Variants in HPSE2 observed in about 807,000 individuals in gnomAD.
HPSE2 encodes the protein heparanase 2 (inactive).
A neutral mutation model predicts 60.5 loss-of-function variants in HPSE2; 38 were observed. The ratio of observed to expected loss-of-function variants is 0.63; its 90% CI spans 0.48 to 0.82. The LOEUF (loss-of-function observed/expected upper bound fraction) is 0.82, where lower values mean the gene tolerates loss of function less well. Ranked by LOEUF, HPSE2 falls within the 40% of genes least tolerant of loss-of-function variation. HPSE2 has a pLI of 0.00. For synonymous variants in HPSE2, 295 were observed against 293.2 expected, an observed-to-expected ratio of 1.01 and a Z score of -0.06; for missense variants, 713 against 740.4, an observed-to-expected ratio of 0.96 and a Z score of 0.43.
chr10:98,657,004 C>G (rs150709069), intron 6 of HPSE2, among the ~76,000 whole-genome samples: 1 of 152,196 alleles, frequency 6.6e-6, no homozygotes, highest in East Asian at 1.9e-4. Flanking sequence ...CTCAGCTGAT[C>G]CACCCATCTT....
chr10:98,874,355 T>C (rs1426149651), intron 3 of HPSE2, among the ~76,000 whole-genome samples: 1 of 152,102 alleles, frequency 6.6e-6, no homozygotes, highest in Non-Finnish European at 1.5e-5. Context: ...TACATTTAAG[T>C]CTTTCATCCA....
chr10:98,830,479 A>G (rs1194496216), intron 3 of HPSE2, among the ~76,000 whole-genome samples: 1 of 152,188 alleles, frequency 6.6e-6, no homozygotes, highest in Non-Finnish European at 1.5e-5. Context: ...AAAGGCTTCA[A>G]TCTGCAAACA....
intron 3 of HPSE2, among the ~76,000 whole-genome samples, chr10:99,007,946 A>T (rs558172292): frequency 6.6e-6 from 1 of 152,286 alleles, no homozygotes; most frequent in East Asian, 1.9e-4. Context: ...CCCTCTCCCC[A>T]TGCCCTGTAT....
chr10:99,305,979 G>GCACGCACGCACA, the HPSE2 span, among the ~76,000 whole-genome samples: 3 of 80,580 alleles, frequency 3.7e-5, no homozygotes, highest in African/African-American at 1.6e-4. Flanking sequence ...GCGCGCGCGC[G>GCACGCACGCACA]CACACACACA....
intron 7 of HPSE2, 104 bp downstream of exon 7, chr10:98,641,743 C>G (rs1946642319): frequency 1.2e-6 from 1 of 864,884 alleles, no homozygotes; most frequent in African/African-American, 1.6e-5. Flanking sequence ...TCCTATTTTT[C>G]TACTCTGGTT....
intron 3 of HPSE2, among the ~76,000 whole-genome samples, chr10:98,778,298 A>AGAGAGAGAGAGAGAGAGAGAGAGAT (rs1950390952): frequency 3.4e-5 from 1 of 29,352 alleles, no homozygotes; most frequent in Non-Finnish European, 8.5e-5. Context: ...GAGAGAGAGA[A>AGAGAGAGAGAGAGAGAGAGAGAGAT]AGCAAGAAAG....
intron 9 of HPSE2, among the ~76,000 whole-genome samples, chr10:98,519,672 G>A (rs886202008): frequency 1.3e-5 from 2 of 152,186 alleles, no homozygotes; most frequent in Non-Finnish European, 2.9e-5. Flanking sequence ...GCATCTTTCT[G>A]GCTACAAAGA....
intron 3 of HPSE2, among the ~76,000 whole-genome samples, chr10:99,054,154 T>A (rs1958056178): frequency 6.6e-6 from 1 of 152,102 alleles, no homozygotes; most frequent in African/African-American, 2.4e-5. Flanking sequence ...AAAAGGTGGC[T>A]ATGAAGAGAA....
At chr10:99,150,532 G>T (rs985861340) in intron 2 of HPSE2, among the ~76,000 whole-genome samples, 11 of 152,014 alleles carry the variant, frequency 7.2e-5, no homozygotes, top group African/African-American at 2.2e-4. Flanking sequence ...TGTTGCCTAG[G>T]CTGGTCTCAA....
chr10:98,844,165 T>C (rs1951982431), intron 3 of HPSE2, among the ~76,000 whole-genome samples: 1 of 152,180 alleles, frequency 6.6e-6, no homozygotes, highest in Admixed American at 6.5e-5. Flanking sequence ...GTGGAGTACA[T>C]GATCTCTGAG....
rs145281169 is a variant in HPSE2, at chr10:98,595,702, T to C, written c.1320+19202A>G. 2.6e-4 allele frequency among the ~76,000 whole-genome samples: 39 copies of C among 152,326 alleles called. No individual in the cohort carries two copies. In the East Asian group the frequency reaches 7.3e-3, roughly 29 times the overall value. On this transcript the variant is annotated intron_variant, in intron 9 of 11. Coordinates refer to ENST00000370552, the MANE Select transcript of HPSE2 (RefSeq NM_021828.5). ...TGTGGATGCTTTTGCTTTCTTTCTC[T>C]TGCCTAACTGTCCTGGCTAGGACTT...
intron 3 of HPSE2, among the ~76,000 whole-genome samples, chr10:98,800,036 T>C (rs4381308): frequency 0.038 from 5,763 of 150,656 alleles, 235 homozygotes; most frequent in East Asian, 0.17. Flanking sequence ...AAACCTCTAG[T>C]TCAACTAACA....
chr10:98,841,219 C>T (rs1263142715), intron 3 of HPSE2, among the ~76,000 whole-genome samples: 1 of 152,214 alleles, frequency 6.6e-6, no homozygotes, highest in Admixed American at 6.5e-5. Flanking sequence ...GATCACACCA[C>T]TGCATCCAGC....
intron 3 of HPSE2, among the ~76,000 whole-genome samples, chr10:99,005,800 C>T: frequency 6.6e-6 from 1 of 152,148 alleles, no homozygotes; most frequent in Non-Finnish European, 1.5e-5. Flanking sequence ...TGCTGACTGG[C>T]TTTGTATGGG....
intron 9 of HPSE2, among the ~76,000 whole-genome samples, chr10:98,570,806 C>G (rs1406175346): frequency 1.0e-5 from 1 of 98,610 alleles, no homozygotes; most frequent in Non-Finnish European, 2.2e-5. Context: ...CACCTCATGT[C>G]TTCTGGCTCT....
intron 3 of HPSE2, among the ~76,000 whole-genome samples, chr10:99,020,332 T>C (rs1373441017): frequency 6.6e-6 from 1 of 152,206 alleles, no homozygotes; most frequent in Non-Finnish European, 1.5e-5. Context: ...ATTCAACGAA[T>C]GTATAGTTGT....
the HPSE2 span, among the ~76,000 whole-genome samples, chr10:99,315,914 G>T: frequency 1.3e-5 from 2 of 152,162 alleles, no homozygotes; most frequent in Non-Finnish European, 2.9e-5. Flanking sequence ...AGTCCTCAAA[G>T]AGGGGGATGC....
intron 10 of HPSE2, among the ~76,000 whole-genome samples, chr10:98,486,514 T>C (rs1234753716): frequency 6.6e-6 from 1 of 152,182 alleles, no homozygotes; most frequent in Admixed American, 6.5e-5. Flanking sequence ...GCCTGAGATT[T>C]CTCTGTGTTG....
chr10:98,882,187 C>T (rs777451493), intron 3 of HPSE2, among the ~76,000 whole-genome samples: 8 of 151,956 alleles, frequency 5.3e-5, no homozygotes, highest in Non-Finnish European at 5.9e-5. Context: ...GACCCAGAAC[C>T]GATCAGCAGC....
Sources: gnomAD v4.1 joint callset for allele counts (sites outside exome capture counted in the v4.1 genomes callset) on GRCh38, gnomAD v4.1.1 for gene constraint, MANE v1.5 for transcripts, NCBI Gene and HGNC (gene_info 2026-07-23, HGNC 2026-07-21) for gene names.